MLYCD: variants seen among roughly 807,000 people sequenced by gnomAD.
MLYCD encodes the protein malonyl-CoA decarboxylase, also known as malonyl-CoA decarboxylase, mitochondrial.
In MLYCD, 27 loss-of-function variants were observed where a neutral mutation model predicts 35.8. The observed-to-expected ratio is 0.75, with a 90% CI of 0.56 to 1.04. The LOEUF (loss-of-function observed/expected upper bound fraction) is 1.04, where lower values mean the gene tolerates loss of function less well. Among genes scored for constraint, MLYCD ranks in the 50% least tolerant of loss-of-function variants. The pLI is 0.00. For synonymous variants in MLYCD, 403 were observed against 302.4 expected (o/e 1.33, Z -3.45); for missense variants, 917 against 665.1 (o/e 1.38, Z -4.17).
chr16:83,904,445 T>C (rs1906906631), intron 1 of MLYCD, among the ~76,000 whole-genome samples: 1 of 152,202 alleles, frequency 6.6e-6, no homozygotes, highest in South Asian at 2.1e-4. Context: ...TATAGTCAAA[T>C]GCAGAAAGTA....
At position 83,907,146 on chromosome 16, in the gene MLYCD, A is replaced by G. The variant is rs773939669; in HGVS notation, c.641+47A>G. 3.5e-5 allele frequency: 51 copies of G among 1,451,110 alleles called. 1 individual carries two copies. In the South Asian group the frequency reaches 5.5e-4, roughly 16 times the overall value. 89.9% of individuals were successfully genotyped at this position (1,451,110 alleles called of 1,614,324 possible). A position where few individuals can be genotyped will look rare whatever the true frequency, so the allele number is the denominator to read the frequency against. On this transcript the variant is annotated intron_variant, in intron 2 of 4. Transcript: ENST00000262430. ...TTCTTTGTACATACATTTTTCATATATATTTGTGTATGTTTTATATTGGCT... is the reference window on the plus strand; with the variant it reads ...TTCTTTGTACATACATTTTTCATATGTATTTGTGTATGTTTTATATTGGCT...
At chr16:83,908,062 G>A (rs1907042096) in intron 2 of MLYCD, 64 bp from the exon 3 acceptor site, 1 of 1,590,890 alleles carries the variant, frequency 6.3e-7, no homozygotes, top group Non-Finnish European at 8.6e-7. Flanking sequence ...AGTATGAATA[G>A]GAGTCAGCAG....
rs1020312885 is a variant in MLYCD at position 83,925,764 on chromosome 16, C to T, written c.*10275C>T. 1 of 152,820 alleles carries T rather than the reference C, an allele frequency of 6.5e-6. No homozygotes were observed. Among genetic ancestry groups the T allele is most frequent in the African/African-American group, 2.4e-5 (1 of 41,474 alleles). 9.5% of individuals were successfully genotyped at this position (152,820 alleles called of 1,614,324 possible). A position where few individuals can be genotyped will look rare whatever the true frequency, so the allele number is the denominator to read the frequency against. ...CTCCTCCCTCTTCTTGAAACGCTCT[C>T]CCCTCCCTGCCTCCCAGGCAATGCC... is the stretch of plus-strand genomic sequence containing the variant. On this transcript the variant is annotated 3_prime_UTR_variant, in exon 5 of 5. Coordinates refer to ENST00000262430, the MANE Select transcript of MLYCD (RefSeq NM_012213.3).
chr16:83,907,235 G>A (rs1907011608), intron 2 of MLYCD, 136 bp downstream of exon 2: 6 of 808,450 alleles, frequency 7.4e-6, no homozygotes, highest in South Asian at 3.2e-5. Context: ...TCCAAACACA[G>A]TATTTGCAAA....
intron 1 of MLYCD, among the ~76,000 whole-genome samples, chr16:83,903,792 C>T (rs963237730): frequency 6.6e-6 from 1 of 152,198 alleles, no homozygotes; most frequent in African/African-American, 2.4e-5. Context: ...AACACTCCAG[C>T]AGAATCCACT....
intron 3 of MLYCD, among the ~76,000 whole-genome samples, chr16:83,909,882 C>T (rs185869269): frequency 2.0e-5 from 3 of 151,916 alleles, no homozygotes; most frequent in East Asian, 1.9e-4. Context: ...ATCTGCCCGC[C>T]GCGGCTTCCC....
At chr16:83,909,104 G>T (rs1187809872) in intron 3 of MLYCD, among the ~76,000 whole-genome samples, 2 of 152,140 alleles carry the variant, frequency 1.3e-5, no homozygotes, top group Non-Finnish European at 2.9e-5. Flanking sequence ...CAATGTTTGT[G>T]TGTGAAAGAG....
chr16:83,903,247 C>T (rs528186413), intron 1 of MLYCD, among the ~76,000 whole-genome samples: 3 of 152,282 alleles, frequency 2.0e-5, no homozygotes, highest in Admixed American at 6.5e-5. Flanking sequence ...GTTCCCACTG[C>T]CACAGCCACC....
At chr16:83,910,506 A>T (rs1413461211) in intron 3 of MLYCD, among the ~76,000 whole-genome samples, 5 of 152,000 alleles carry the variant, frequency 3.3e-5, no homozygotes, top group African/African-American at 1.2e-4. Context: ...CCTGGCCAAC[A>T]TGGTGAAACC....
Position 83,908,194 on chromosome 16 carries a change from G to T in MLYCD, c.710G>T (p.Cys237Phe), listed in dbSNP as rs1397868768. The change falls in exon 3 of 5, where the codon TGT becomes TTT. Residue 237 changes from cysteine (C) to phenylalanine (F), a missense_variant. Cys to Phe is a radical substitution (Grantham distance 205). Transcript: ENST00000262430. The stretch of plus-strand genomic sequence containing the variant: ...CGCCGCGTTGGGCCCTACAGAAGGT[G>T]TTACTTCTTTTCTCACTGTTCGACC... ...MKRRVGPYRR[C>F]YFFSHCSTPG... 3.7e-6 allele frequency: 6 copies of T among 1,614,106 alleles called. No individual in the cohort carries two copies. Among genetic ancestry groups the T allele is most frequent in the Non-Finnish European group, 3.4e-6 (4 of 1,180,050 alleles).
In MLYCD at chr16:83,915,518, C is replaced by G. The variant is rs920648484; in HGVS notation, c.*29C>G. 6.2e-7 allele frequency: 1 copy of G among 1,604,410 alleles called. No individual in the cohort carries two copies. The highest frequency in any genetic ancestry group is 1.3e-5 in the African/African-American group (1 of 75,016). ...TAAACCTCTCCTAAAGCACAGGGCCCCGGCTAAGAAAACGATCATTTTCAG... is the reference window on the plus strand; with the variant it reads ...TAAACCTCTCCTAAAGCACAGGGCCGCGGCTAAGAAAACGATCATTTTCAG... On this transcript the variant is annotated 3_prime_UTR_variant, in exon 5 of 5. Transcript: ENST00000262430.
Position 83,925,220 on chromosome 16 carries a change from G to C in MLYCD, c.*9731G>C, listed in dbSNP as rs1208567022. ...ATAGCTCAGCAGCAGCTCAGGCTCA[G>C]CACGGCCAAGGCTGAATGCAGATGC... On this transcript the variant is annotated 3_prime_UTR_variant, in exon 5 of 5. Transcript: ENST00000262430. The C allele has an allele frequency of 6.5e-6, 1 of 153,142 alleles. No individual in the cohort carries two copies. The highest frequency in any genetic ancestry group is 6.5e-5 in the Admixed American group (1 of 15,286). The allele number at this position is 153,142 out of a possible 1,614,324, so 9.5% of individuals were successfully genotyped here.
chr16:83,914,644 C>T (rs941369113), intron 4 of MLYCD: 8 of 406,646 alleles, frequency 2.0e-5, no homozygotes, highest in Admixed American at 1.1e-4. Flanking sequence ...CTGGGTGTGG[C>T]GGCGCGAGCC....
In MLYCD at chr16:83,912,242, T is replaced by A; in HGVS notation, c.823T>A (p.Ser275Thr). 6.2e-7 allele frequency: 1 copy of A among 1,614,096 alleles called. No homozygotes were observed. The highest frequency in any genetic ancestry group is 1.7e-5 in the Admixed American group (1 of 60,022). The change falls in exon 4 of 5, where the codon TCA (serine) becomes ACA (threonine). Residue 275 changes from serine (S) to threonine (T), a missense_variant. Physicochemically the swap from Ser to Thr is moderately conservative, Grantham distance 58. Transcript: ENST00000262430. ...IQAIVKEHPP[S>T]ETEEKNKITA... ...GGCAATCGTGAAGGAACATCCTCCA[T>A]CAGAAACAGAAGAGAAGAACAAAAT...
At chr16:83,904,001 C>G (rs1462483805) in intron 1 of MLYCD, among the ~76,000 whole-genome samples, 1 of 152,162 alleles carries the variant, frequency 6.6e-6, no homozygotes, top group Non-Finnish European at 1.5e-5. Context: ...GGTGTTAGAA[C>G]TGAGCAACGG....
intron 3 of MLYCD, among the ~76,000 whole-genome samples, chr16:83,908,682 G>A (rs1024380796): frequency 6.6e-6 from 1 of 152,202 alleles, no homozygotes; most frequent in African/African-American, 2.4e-5. Context: ...AAAATTGAAA[G>A]AGGCACTCCA....
chr16:83,903,912 G>T (rs1168947452), intron 1 of MLYCD, among the ~76,000 whole-genome samples: 1 of 152,182 alleles, frequency 6.6e-6, no homozygotes, highest in Non-Finnish European at 1.5e-5. Context: ...AGTTGCAGAG[G>T]CCTCTTTCCC....
intron 1 of MLYCD, among the ~76,000 whole-genome samples, chr16:83,899,954 CCT>C (rs2151053584): frequency 6.6e-6 from 1 of 152,336 alleles, no homozygotes; most frequent in Non-Finnish European, 1.5e-5. Flanking sequence ...GTAGCTGTCA[CCT>C]CTCGTACCTG....
chr16:83,924,916 C>T lies in MLYCD; in HGVS notation c.*9427C>T, dbSNP rs1907759597. The T allele has an allele frequency of 6.6e-6, 1 of 152,382 alleles. No homozygotes were observed. Among genetic ancestry groups the T allele is most frequent in the Admixed American group, 6.5e-5 (1 of 15,284 alleles). 9.4% of individuals were successfully genotyped at this position (152,382 alleles called of 1,614,324 possible). On this transcript the variant is annotated 3_prime_UTR_variant, in exon 5 of 5. Coordinates refer to ENST00000262430, the MANE Select transcript of MLYCD (RefSeq NM_012213.3). ...TGCACACCCTCTTGGCCATCCCCAC[C>T]TGTGCTCCGCCACTCTTAGTCAGCC...
Sources: allele counts gnomAD v4.1 joint callset (sites outside exome capture counted in the v4.1 genomes callset), GRCh38; gene constraint gnomAD v4.1.1; transcripts MANE v1.5; gene names NCBI Gene and HGNC (gene_info 2026-07-23, HGNC 2026-07-21).